PXDC1: variants seen among roughly 807,000 people sequenced by gnomAD.
The protein encoded by PXDC1 is PX domain containing 1.
A neutral mutation model predicts 24.4 loss-of-function variants in PXDC1; 13 were observed. That is an observed-to-expected ratio of 0.53 (90% CI 0.35 to 0.85). The LOEUF is 0.85. Ranked by LOEUF, PXDC1 falls within the 40% of genes least tolerant of loss-of-function variation. PXDC1 has a pLI of 0.01. For missense variants in PXDC1, 344 were observed against 309.3 expected, an observed-to-expected ratio of 1.11 and a Z score of -0.84; for synonymous variants, 162 against 124.9, an observed-to-expected ratio of 1.30 and a Z score of -1.98.
At chr6:3,734,178 C>T (rs745930537) in intron 3 of PXDC1, among the ~76,000 whole-genome samples, 7 of 152,216 alleles carry the variant, frequency 4.6e-5, no homozygotes, top group South Asian at 2.1e-4. Flanking sequence ...TCACTATGCT[C>T]GCCCCTTAGG....
intron 1 of PXDC1, among the ~76,000 whole-genome samples, chr6:3,741,483 G>A (rs1463192747): frequency 2.0e-5 from 3 of 152,198 alleles, no homozygotes; most frequent in East Asian, 3.8e-4. Flanking sequence ...TCCGGCTCCC[G>A]GTGGCAACCA....
In PXDC1 at chr6:3,724,252, T is replaced by C. The variant is rs951820737; in HGVS notation, c.579-516A>G. 3.9e-5 allele frequency among the ~76,000 whole-genome samples: 6 copies of C among 152,044 alleles called. No individual in the cohort carries two copies. The highest frequency in any genetic ancestry group is 7.4e-5 in the Non-Finnish European group (5 of 67,998). On this transcript the variant is annotated intron_variant, in intron 4 of 4. Transcript: ENST00000380283. The surrounding 1 kb of genome is among the most constrained non-coding windows in gnomAD (Gnocchi z 4.5). ...GGAGGTCACGGGGGGAGACACCTTC[T>C]AGCGGGGAAGCCTGCATGTGGGTAC...
intron 1 of PXDC1, among the ~76,000 whole-genome samples, chr6:3,748,760 T>C (rs1480482382): frequency 6.6e-6 from 1 of 152,118 alleles, no homozygotes; most frequent in Admixed American, 6.5e-5. Flanking sequence ...GAAATCCAGA[T>C]TTCCTCACAA....
chr6:3,739,123 A>T, intron 1 of PXDC1: 1 of 1,173,248 alleles, frequency 8.5e-7, no homozygotes, highest in Non-Finnish European at 1.1e-6. Flanking sequence ...TTTGCAGGGG[A>T]AAAGCCTGTT....
At position 3,724,173 on chromosome 6, in the gene PXDC1, C is replaced by T. The variant is rs938201661; in HGVS notation, c.579-437G>A. Among the ~76,000 whole-genome samples the T allele has an allele frequency of 6.6e-6, 1 of 152,074 alleles. No homozygotes were observed. The highest frequency in any genetic ancestry group is 1.5e-5 in the Non-Finnish European group (1 of 68,018). On this transcript the variant is annotated intron_variant, in intron 4 of 4. Coordinates refer to ENST00000380283, the MANE Select transcript of PXDC1 (RefSeq NM_183373.4). The surrounding 1 kb of genome is among the most constrained non-coding windows in gnomAD (Gnocchi z 4.5). ...GACCGCAGCAGAGATGACACACGGA[C>T]GCACAGGAGGCTGCGAGGGAACAGG... is the stretch of plus-strand genomic sequence containing the variant.
At chr6:3,723,997 T>C (rs113594153) in intron 4 of PXDC1, among the ~76,000 whole-genome samples, 2 of 152,274 alleles carry the variant, frequency 1.3e-5, no homozygotes, top group African/African-American at 4.8e-5. Flanking sequence ...GGAGTGCTGA[T>C]TTTCACCTCT....
chr6:3,739,039 C>A (rs1015986506), intron 1 of PXDC1: 32 of 1,212,680 alleles, frequency 2.6e-5, no homozygotes, highest in Non-Finnish European at 3.1e-5. Flanking sequence ...GTGATTACTG[C>A]GATTACTTTT....
intron 3 of PXDC1, among the ~76,000 whole-genome samples, chr6:3,731,106 TG>T (rs1179850737): frequency 6.6e-6 from 1 of 152,230 alleles, no homozygotes; most frequent in Non-Finnish European, 1.5e-5. Context: ...ATTGCCTAAC[TG>T]GGCTACCCCT....
intron 3 of PXDC1, among the ~76,000 whole-genome samples, chr6:3,736,355 T>C (rs1760315218): frequency 6.6e-6 from 1 of 152,096 alleles, no homozygotes; most frequent in Non-Finnish European, 1.5e-5. Context: ...CCATGTCTCC[T>C]CTCATGAGTC....
chr6:3,747,259 T>C, intron 1 of PXDC1, among the ~76,000 whole-genome samples: 1 of 152,054 alleles, frequency 6.6e-6, no homozygotes, highest in East Asian at 1.9e-4. Context: ...TGTCTGGCCT[T>C]GCAGTGCCCC....
chr6:3,733,645 A>G (rs980785428), intron 3 of PXDC1, among the ~76,000 whole-genome samples: 2 of 152,168 alleles, frequency 1.3e-5, no homozygotes, highest in African/African-American at 4.8e-5. Flanking sequence ...CAAGGCTGCA[A>G]GAGGCCATAC....
chr6:3,748,682 G>A (rs1273390064), intron 1 of PXDC1, among the ~76,000 whole-genome samples: 1 of 152,154 alleles, frequency 6.6e-6, no homozygotes, highest in Non-Finnish European at 1.5e-5. Context: ...TGGGGCCAAG[G>A]CTCCCACACC....
chr6:3,735,302 T>C (rs185544696), intron 3 of PXDC1, among the ~76,000 whole-genome samples: 1 of 152,236 alleles, frequency 6.6e-6, no homozygotes, highest in Admixed American at 6.5e-5. Flanking sequence ...TAAATCGATA[T>C]ACTTACAGCC....
intron 1 of PXDC1, among the ~76,000 whole-genome samples, chr6:3,746,655 C>A (rs567156936): frequency 1.3e-5 from 2 of 152,164 alleles, no homozygotes; most frequent in African/African-American, 4.8e-5. Flanking sequence ...AGAGATGGTG[C>A]CTCTGTGCCC....
intron 1 of PXDC1, among the ~76,000 whole-genome samples, chr6:3,749,509 G>A (rs927183322): frequency 6.7e-6 from 1 of 148,840 alleles, no homozygotes; most frequent in Non-Finnish European, 1.5e-5. Context: ...CAACTAGGGC[G>A]ACAGCAAAAG....
At position 3,737,537 on chromosome 6, in the gene PXDC1, C is replaced by G; in HGVS notation, c.349-341G>C. The G allele has an allele frequency of 2.6e-6, 1 of 384,402 alleles. No individual in the cohort carries two copies. Among genetic ancestry groups the G allele is most frequent in the Non-Finnish European group, 3.6e-6 (1 of 280,610 alleles). The allele number at this position is 384,402 out of a possible 1,614,324, so 23.8% of individuals were successfully genotyped here. A position where few individuals can be genotyped will look rare whatever the true frequency, so the allele number is the denominator to read the frequency against. ...CCCACTGGCCAGAAAGAAAGGGAAGCTTCCAGGAGCTAAGGAGGTCTGCCT... is the reference window on the plus strand; with the variant it reads ...CCCACTGGCCAGAAAGAAAGGGAAGGTTCCAGGAGCTAAGGAGGTCTGCCT... On this transcript the variant is annotated intron_variant, in intron 2 of 4. Coordinates refer to ENST00000380283, the MANE Select transcript of PXDC1 (RefSeq NM_183373.4). The surrounding 1 kb of genome is among the most constrained non-coding windows in gnomAD (Gnocchi z 5.5).
intron 3 of PXDC1, among the ~76,000 whole-genome samples, chr6:3,729,479 T>TG (rs1346090679): frequency 6.6e-6 from 1 of 152,168 alleles, no homozygotes; most frequent in Non-Finnish European, 1.5e-5. Flanking sequence ...CCCTCCTCCC[T>TG]GTACCACCTG....
At chr6:3,732,319 C>T (rs559094413) in intron 3 of PXDC1, among the ~76,000 whole-genome samples, 97 of 152,208 alleles carry the variant, frequency 6.4e-4, no homozygotes, top group Non-Finnish European at 8.2e-4. Context: ...ACTCCAGCAA[C>T]GGAACAAAAC....
Position 3,723,639 on chromosome 6 carries a change from C to G in PXDC1, c.676G>C (p.Glu226Gln). Residue 226 changes from glutamate (E) to glutamine (Q), a missense_variant, in exon 5 of 5, where the codon GAG becomes CAG. Transcript: ENST00000380283. Reference protein sequence around the residue: ...NLSYYHLVPFETDIWD With the variant: ...NLSYYHLVPFQTDIWD ...GAGGTTCAGTCCCAAATGTCTGTCT[C>G]GAAGGGGACCAGGTGGTAATATGAC... 1 of 1,614,014 alleles carries G rather than the reference C, an allele frequency of 6.2e-7. No homozygotes were observed. Among genetic ancestry groups the G allele is most frequent in the South Asian group, 1.1e-5 (1 of 91,078 alleles).
Sources: gnomAD v4.1 joint callset for allele counts (sites outside exome capture counted in the v4.1 genomes callset) on GRCh38, gnomAD v4.1.1 for gene constraint, Gnocchi (gnomAD v3.1) non-coding constraint, MANE v1.5 for transcripts, NCBI Gene and HGNC (gene_info 2026-07-23, HGNC 2026-07-21) for gene names.